MLLT1: variants seen among roughly 807,000 people sequenced by gnomAD.
MLLT1 encodes protein ENL.
In MLLT1, 11 loss-of-function variants were observed where a neutral mutation model predicts 55.1. That is an observed-to-expected ratio of 0.20 (90% CI 0.13 to 0.33). MLLT1 has a LOEUF of 0.33. Ranked by LOEUF, MLLT1 falls within the 10% of genes least tolerant of loss-of-function variation. The pLI is 1.00. For missense variants in MLLT1, 536 were observed against 760.6 expected, an observed-to-expected ratio of 0.70 and a Z score of 3.47; for synonymous variants, 323 against 320.1, an observed-to-expected ratio of 1.01 and a Z score of -0.10.
intron 1 of MLLT1, among the ~76,000 whole-genome samples, chr19:6,278,263 T>C (rs2091437590): frequency 6.6e-6 from 1 of 152,064 alleles, no homozygotes; most frequent in African/African-American, 2.4e-5. Flanking sequence ...GATCCCATGT[T>C]GGGGGCCAGC....
intron 3 of MLLT1, among the ~76,000 whole-genome samples, chr19:6,233,327 C>G (rs10410687): frequency 1.6e-4 from 25 of 152,236 alleles, no homozygotes; most frequent in African/African-American, 5.3e-4. Context: ...TCCAGAACCA[C>G]GAGTCCGGTC....
intron 8 of MLLT1, 42 bp downstream of exon 8, chr19:6,216,363 C>G (rs775552194): frequency 2.7e-6 from 4 of 1,458,804 alleles, no homozygotes; most frequent in Non-Finnish European, 2.8e-6. Flanking sequence ...GGAGTCGCCC[C>G]GGGTGGCCGC....
rs115762359 is a variant in MLLT1, at chr19:6,260,545, C to T, written c.276+1683G>A. ...GGCCAGGCCCTGCCCCACCTGCCTC[C>T]GAATCCACGGGCAGCCCACGGCGGA... is the stretch of plus-strand genomic sequence containing the variant. On this transcript the variant is annotated intron_variant, in intron 3 of 11. Coordinates refer to ENST00000252674, the MANE Select transcript of MLLT1 (RefSeq NM_005934.4). 7.0e-3 allele frequency among the ~76,000 whole-genome samples: 1,061 copies of T among 152,358 alleles called. 13 individuals carry two copies. Among genetic ancestry groups the T allele is most frequent in the African/African-American group, 0.024 (982 of 41,592 alleles).
rs1274254089 is a variant in MLLT1, at chr19:6,270,511, C to G, written c.193+68G>C. 2 of 1,502,724 alleles carry G rather than the reference C, an allele frequency of 1.3e-6. No individual in the cohort carries two copies. The highest frequency in any genetic ancestry group is 1.9e-5 in the Admixed American group (1 of 52,298). The allele number at this position is 1,502,724 out of a possible 1,614,324, so 93.1% of individuals were successfully genotyped here. On this transcript the variant is annotated intron_variant, in intron 2 of 11. Coordinates refer to ENST00000252674, the MANE Select transcript of MLLT1 (RefSeq NM_005934.4). The surrounding 1 kb of genome is among the most constrained non-coding windows in gnomAD (Gnocchi z 7.1). ...TGCTGCTCCTGAGGGAGGGGTGGAGCCTGGCCTTGGGAGGAGTGAAGACAG... is the reference window on the plus strand; with the variant it reads ...TGCTGCTCCTGAGGGAGGGGTGGAGGCTGGCCTTGGGAGGAGTGAAGACAG...
intron 2 of MLLT1, among the ~76,000 whole-genome samples, chr19:6,264,141 GTTA>G (rs2091327467): frequency 6.6e-6 from 1 of 151,976 alleles, no homozygotes; most frequent in African/African-American, 2.4e-5. Flanking sequence ...CCATAAAGCG[GTTA>G]TTAAAAAAAA....
intron 3 of MLLT1, among the ~76,000 whole-genome samples, chr19:6,252,981 G>A (rs1157519694): frequency 6.6e-6 from 1 of 151,936 alleles, no homozygotes; most frequent in Non-Finnish European, 1.5e-5. Flanking sequence ...TCAAGAAGTA[G>A]GGCTGGGCAT....
intron 1 of MLLT1, among the ~76,000 whole-genome samples, chr19:6,276,071 C>A (rs1292074687): frequency 6.6e-6 from 1 of 152,208 alleles, no homozygotes; most frequent in Admixed American, 6.5e-5. Context: ...ATTTAACCAG[C>A]AGCTGGCAAA....
intron 3 of MLLT1, among the ~76,000 whole-genome samples, chr19:6,239,311 C>G (rs1249692859): frequency 6.6e-6 from 1 of 152,200 alleles, no homozygotes; most frequent in Admixed American, 6.5e-5. Context: ...GCGATCCGAC[C>G]GAAATACCCA....
At chr19:6,224,231 T>C (rs935662561) in intron 5 of MLLT1, among the ~76,000 whole-genome samples, 2 of 152,226 alleles carry the variant, frequency 1.3e-5, no homozygotes, top group African/African-American at 2.4e-5. Context: ...ACAGTACCAG[T>C]GGCTGTGAGG....
At chr19:6,269,807 C>G (rs763026588) in intron 2 of MLLT1, among the ~76,000 whole-genome samples, 14 of 152,232 alleles carry the variant, frequency 9.2e-5, no homozygotes, top group Non-Finnish European at 2.1e-4. Context: ...TCCCTCATTC[C>G]TTTATCAAGA....
chr19:6,223,815 G>A (rs1270239098), intron 5 of MLLT1, among the ~76,000 whole-genome samples: 1 of 152,200 alleles, frequency 6.6e-6, no homozygotes, highest in Non-Finnish European at 1.5e-5. Flanking sequence ...GCACCCAGGA[G>A]CACTGAGCAG....
At chr19:6,217,416 G>A (rs2090856000) in intron 7 of MLLT1, among the ~76,000 whole-genome samples, 1 of 152,222 alleles carries the variant, frequency 6.6e-6, no homozygotes, top group Non-Finnish European at 1.5e-5. Context: ...AGGCTGCCTG[G>A]TCCCCAGGGC....
In MLLT1 at chr19:6,270,858, G is replaced by A. The variant is rs1331629015; in HGVS notation, c.13-99C>T. On this transcript the variant is annotated intron_variant, in intron 1 of 11. Transcript: ENST00000252674. This position sits in a 1 kb window ranked among gnomAD's most constrained non-coding sequence, Gnocchi z 7.1. ...GAACTTTCGATAAAGACCCCCAGCA[G>A]TGCAATACGCTCTCAACCCAGTGAG... The A allele has an allele frequency of 9.5e-6, 11 of 1,152,678 alleles. No individual in the cohort carries two copies. Among genetic ancestry groups the A allele is most frequent in the African/African-American group, 1.6e-5 (1 of 64,462 alleles). The allele number at this position is 1,152,678 out of a possible 1,614,324, so 71.4% of individuals were successfully genotyped here.
At chr19:6,237,478 C>G (rs529728644) in intron 3 of MLLT1, among the ~76,000 whole-genome samples, 10 of 152,180 alleles carry the variant, frequency 6.6e-5, no homozygotes, top group African/African-American at 2.4e-4. Context: ...AACATTTTGG[C>G]CAGGCGCGGT....
At chr19:6,279,436 GC>G (rs1568301360) in intron 1 of MLLT1, among the ~76,000 whole-genome samples, 1 of 152,072 alleles carries the variant, frequency 6.6e-6, no homozygotes, top group Non-Finnish European at 1.5e-5. Context: ...CCTAAGCCGG[GC>G]TGGGGTCCCC....
rs776012193 is a variant in MLLT1 at position 6,256,254 on chromosome 19, T to TAAATA, written c.276+5973_276+5974insTATTT. ...ATAAATAAATAAATAAATAAATAAA[T>TAAATA]AAAAAGACCAGCCTGGGCAACACAA... On this transcript the variant is annotated intron_variant, in intron 3 of 11. Transcript: ENST00000252674. The surrounding 1 kb of genome is among the most constrained non-coding windows in gnomAD (Gnocchi z 4.1). Among the ~76,000 whole-genome samples the TAAATA allele has an allele frequency of 5.1e-4, 76 of 148,406 alleles. No individual in the cohort carries two copies. The highest frequency in any genetic ancestry group is 1.7e-3 in the South Asian group (8 of 4,676).
In MLLT1 at chr19:6,256,710, C is replaced by T. The variant is rs1460391184; in HGVS notation, c.276+5518G>A. 1.3e-5 allele frequency among the ~76,000 whole-genome samples: 2 copies of T among 151,928 alleles called. No homozygotes were observed. The highest frequency in any genetic ancestry group is 2.4e-5 in the African/African-American group (1 of 41,344). ...CGGAGCTTGCAGTGAGCCGAGATGG[C>T]GCCACTGCACTCTAGCCTGGGCGAC... On this transcript the variant is annotated intron_variant, in intron 3 of 11. Transcript: ENST00000252674. The surrounding 1 kb of genome is among the most constrained non-coding windows in gnomAD (Gnocchi z 4.1).
chr19:6,230,786 C>G lies in MLLT1; in HGVS notation c.277-73G>C. The G allele has an allele frequency of 6.4e-7, 1 of 1,574,782 alleles. No individual in the cohort carries two copies. The highest frequency in any genetic ancestry group is 8.7e-7 in the Non-Finnish European group (1 of 1,154,830). ...GCAGGGACACAGCTCCCCATTGGCC[C>G]TGGTCCTCCCCTCTCCCTCACTGGG... On this transcript the variant is annotated intron_variant, in intron 3 of 11. Coordinates refer to ENST00000252674, the MANE Select transcript of MLLT1 (RefSeq NM_005934.4). This position sits in a 1 kb window ranked among gnomAD's most constrained non-coding sequence, Gnocchi z 9.0.
rs1463814813 is a variant in MLLT1, at chr19:6,216,512, T to A, written c.1200A>T (p.Gly400=). The change falls in exon 8 of 12, where the codon GGA becomes GGT. Residue 400 remains glycine (G), a splice_region_variant and synonymous_variant. Coordinates refer to ENST00000252674, the MANE Select transcript of MLLT1 (RefSeq NM_005934.4). ...DFEPSQNHSQ[G]PLRSMVEDLQ... is the part of the protein sequence containing the mutation. ...GGTCCTCCACCATGGAGCGCAGGGGTCCTGGGGAGGCGGGGCAGGGAGGGA... is the reference window on the plus strand; with the variant it reads ...GGTCCTCCACCATGGAGCGCAGGGGACCTGGGGAGGCGGGGCAGGGAGGGA... 1.3e-6 allele frequency: 2 copies of A among 1,572,902 alleles called. No individual in the cohort carries two copies. The highest frequency in any genetic ancestry group is 1.7e-6 in the Non-Finnish European group (2 of 1,154,642).
Sources: allele counts gnomAD v4.1 joint callset (sites outside exome capture counted in the v4.1 genomes callset), GRCh38; gene constraint gnomAD v4.1.1; non-coding constraint Gnocchi (gnomAD v3.1); transcripts MANE v1.5; gene names NCBI Gene and HGNC (gene_info 2026-07-23, HGNC 2026-07-21).